The following THEM6 variants were observed in gnomAD, a reference collection of about 807,000 sequenced individuals.
THEM6 encodes the protein protein THEM6.
In THEM6, 10 loss-of-function variants were observed where a neutral mutation model predicts 13.7. That is an observed-to-expected ratio of 0.73 (90% CI 0.45 to 1.24). The LOEUF is 1.24. Ranked by LOEUF, THEM6 falls within the 50% of genes most tolerant of loss-of-function variation. THEM6 has a pLI of 0.00. For synonymous variants in THEM6, 161 were observed against 156.0 expected (o/e 1.03, Z -0.24); for missense variants, 317 against 312.6 (o/e 1.01, Z -0.11).
In THEM6 at chr8:142,736,245, T is replaced by C. The variant is rs1815759733; in HGVS notation, c.*806T>C. The C allele has an allele frequency of 6.6e-6, 1 of 152,324 alleles. No homozygotes were observed. The highest frequency in any genetic ancestry group is 1.5e-5 in the Non-Finnish European group (1 of 68,166). The allele number at this position is 152,324 out of a possible 1,614,324, so 9.4% of individuals were successfully genotyped here. A position where few individuals can be genotyped will look rare whatever the true frequency, so the allele number is the denominator to read the frequency against. On this transcript the variant is annotated 3_prime_UTR_variant, in exon 2 of 2. Transcript: ENST00000336138. ...ACTCTGCAGGGGTGTCCTTGTCCAC[T>C]CGCACCCCTCGCCGCCCACCAGGGC...
chr8:142,733,588 T>C lies in THEM6; in HGVS notation c.514-1738T>C, dbSNP rs1815698890. Among the ~76,000 whole-genome samples the C allele has an allele frequency of 2.0e-5, 3 of 151,936 alleles. No individual in the cohort carries two copies. In the South Asian group the frequency reaches 6.3e-4, roughly 32 times the overall value. On this transcript the variant is annotated intron_variant, in intron 1 of 1. Coordinates refer to ENST00000336138, the MANE Select transcript of THEM6 (RefSeq NM_016647.3). ...GCTCTGGTTCCAGCGCCTCTGACACTGAGAGGTCATGTCAGGAATGGGGAA... is the reference window on the plus strand; with the variant it reads ...GCTCTGGTTCCAGCGCCTCTGACACCGAGAGGTCATGTCAGGAATGGGGAA...
Position 142,735,853 on chromosome 8 carries a change from C to G in THEM6, c.*414C>G, listed in dbSNP as rs1815750180. On this transcript the variant is annotated 3_prime_UTR_variant, in exon 2 of 2. Transcript: ENST00000336138. ...AGACCAGAGCATCCTGGGTACAGGC[C>G]TGGGCTCTCCAGGGCCTGGGCCTGA... is the stretch of plus-strand genomic sequence containing the variant. 1 of 193,148 alleles carries G rather than the reference C, an allele frequency of 5.2e-6. No homozygotes were observed. The highest frequency in any genetic ancestry group is 2.3e-5 in the African/African-American group (1 of 43,198). 12.0% of individuals were successfully genotyped at this position (193,148 alleles called of 1,614,324 possible).
At position 142,727,636 on chromosome 8, in the gene THEM6, A is replaced by C. The variant is rs1017133533; in HGVS notation, c.290A>C (p.His97Pro). 55 of 1,488,564 alleles carry C rather than the reference A, an allele frequency of 3.7e-5. No individual in the cohort carries two copies. The highest frequency in any genetic ancestry group is 4.6e-5 in the Non-Finnish European group (52 of 1,127,786). The allele number at this position is 1,488,564 out of a possible 1,614,324, so 92.2% of individuals were successfully genotyped here. A position where few individuals can be genotyped will look rare whatever the true frequency, so the allele number is the denominator to read the frequency against. The change falls in exon 1 of 2, where the codon CAC becomes CCC. Residue 97 changes from histidine to proline, a missense_variant. His to Pro is a moderately conservative substitution (Grantham distance 77). Coordinates refer to ENST00000336138, the MANE Select transcript of THEM6 (RefSeq NM_016647.3). The stretch of plus-strand genomic sequence containing the variant: ...GGGGCGCTGAGGGAGTTGCGGGCGC[A>C]CACGGTGCTGGCGGCCTCGTGCGCG... ...VLGALRELRA[H>P]TVLAASCARH...
intron 1 of THEM6, among the ~76,000 whole-genome samples, chr8:142,733,702 T>G (rs918155505): frequency 9.9e-5 from 15 of 152,188 alleles, no homozygotes; most frequent in African/African-American, 3.6e-4. Flanking sequence ...CCAAAAAGTA[T>G]CGGAGATATG....
At chr8:142,732,215 A>G (rs1244733469) in intron 1 of THEM6, among the ~76,000 whole-genome samples, 1 of 78,994 alleles carries the variant, frequency 1.3e-5, no homozygotes, top group Non-Finnish European at 2.8e-5. Flanking sequence ...TATTTTAACT[A>G]CTGGAGGTTT....
chr8:142,728,774 G>T (rs929962842), intron 1 of THEM6, among the ~76,000 whole-genome samples: 1 of 152,172 alleles, frequency 6.6e-6, no homozygotes, highest in Admixed American at 6.5e-5. Context: ...TGAAAGAATA[G>T]CTGGTCCGTA....
In THEM6 at chr8:142,732,185, T is replaced by C. The variant is rs1217099594; in HGVS notation, c.514-3141T>C. Among the ~76,000 whole-genome samples, 105 of 98,204 alleles carry C rather than the reference T, an allele frequency of 1.1e-3. 10 individuals are homozygous for C. Among genetic ancestry groups the C allele is most frequent in the African/African-American group, 3.7e-3 (94 of 25,214 alleles). 64.4% of individuals were successfully genotyped at this position (98,204 alleles called of 152,430 possible). A position where few individuals can be genotyped will look rare whatever the true frequency, so the allele number is the denominator to read the frequency against. On this transcript the variant is annotated intron_variant, in intron 1 of 1. Coordinates refer to ENST00000336138, the MANE Select transcript of THEM6 (RefSeq NM_016647.3). ...GAATATATATATATATATATATATA[T>C]ATATATATATATATATATATATTTT... is the stretch of plus-strand genomic sequence containing the variant.
At position 142,736,249 on chromosome 8, in the gene THEM6, A is replaced by G. The variant is rs1815759846; in HGVS notation, c.*810A>G. 1 of 152,186 alleles carries G rather than the reference A, an allele frequency of 6.6e-6. No homozygotes were observed. The highest frequency in any genetic ancestry group is 1.5e-5 in the Non-Finnish European group (1 of 68,104). The allele number at this position is 152,186 out of a possible 1,614,324, so 9.4% of individuals were successfully genotyped here. Reference sequence around the variant, plus strand: ...TGCAGGGGTGTCCTTGTCCACTCGCACCCCTCGCCGCCCACCAGGGCCATG... The same window carrying G: ...TGCAGGGGTGTCCTTGTCCACTCGCGCCCCTCGCCGCCCACCAGGGCCATG... On this transcript the variant is annotated 3_prime_UTR_variant, in exon 2 of 2. Coordinates refer to ENST00000336138, the MANE Select transcript of THEM6 (RefSeq NM_016647.3).
Position 142,735,687 on chromosome 8 carries a change from AG to A in THEM6, c.*250del. 1 of 522,852 alleles carries A rather than the reference AG, an allele frequency of 1.9e-6. No homozygotes were observed. The highest frequency in any genetic ancestry group is 3.5e-6 in the Non-Finnish European group (1 of 286,420). The allele number at this position is 522,852 out of a possible 1,614,324, so 32.4% of individuals were successfully genotyped here. A position where few individuals can be genotyped will look rare whatever the true frequency, so the allele number is the denominator to read the frequency against. On this transcript the variant is annotated 3_prime_UTR_variant, in exon 2 of 2. Transcript: ENST00000336138. The stretch of plus-strand genomic sequence containing the variant: ...CCTCAAGGTGGGGATGGATGGGCAA[AG>A]GAGAGTCCTGCCTGGCCCTACGATG...
At chr8:142,730,146 TTTAAC>T (rs1815614086) in intron 1 of THEM6, among the ~76,000 whole-genome samples, 2 of 152,344 alleles carry the variant, frequency 1.3e-5, no homozygotes, top group Admixed American at 1.3e-4. Flanking sequence ...TTTCTTTAAC[TTTAAC>T]TTAGTAGGAT....
chr8:142,734,620 G>C (rs894016344), intron 1 of THEM6: 1 of 152,622 alleles, frequency 6.6e-6, no homozygotes, highest in Admixed American at 6.5e-5. Flanking sequence ...AGGTGGGGAG[G>C]GGAGTGGTCC....
At chr8:142,729,431 C>T (rs587718210) in intron 1 of THEM6, among the ~76,000 whole-genome samples, 56 of 152,066 alleles carry the variant, frequency 3.7e-4, no homozygotes, top group African/African-American at 1.1e-3. Flanking sequence ...AAAGTGCGAA[C>T]GGAATATTTA....
intron 1 of THEM6, among the ~76,000 whole-genome samples, chr8:142,731,901 C>A (rs781902625): frequency 1.3e-5 from 2 of 152,066 alleles, no homozygotes; most frequent in Non-Finnish European, 2.9e-5. Flanking sequence ...TTGGCAGATG[C>A]CTGCCACAAA....
In THEM6 at chr8:142,727,379, G is replaced by C; in HGVS notation, c.33G>C (p.Leu11=). The change falls in exon 1 of 2, where the codon CTG becomes CTC. Residue 11 remains leucine, a synonymous_variant. Transcript: ENST00000336138. The stretch of plus-strand genomic sequence containing the variant: ...GGCTGCTGGTGGCGTTGCTGGCCCT[G>C]GGGCTCGCTGTCTTTGCGCTGCTGG... MLGLLVALLA[L]GLAVFALLDV... The C allele has an allele frequency of 3.9e-6, 6 of 1,524,226 alleles. No homozygotes were observed. Among genetic ancestry groups the C allele is most frequent in the Non-Finnish European group, 5.3e-6 (6 of 1,142,272 alleles). 94.4% of individuals were successfully genotyped at this position (1,524,226 alleles called of 1,614,324 possible).
intron 1 of THEM6, among the ~76,000 whole-genome samples, chr8:142,733,662 T>G (rs1815700153): frequency 6.6e-6 from 1 of 152,192 alleles, no homozygotes; most frequent in African/African-American, 2.4e-5. Flanking sequence ...CACGGCTCCC[T>G]GGTCTTCTGT....
At chr8:142,733,070 C>T (rs189837961) in intron 1 of THEM6, among the ~76,000 whole-genome samples, 5 of 152,324 alleles carry the variant, frequency 3.3e-5, no homozygotes, top group Admixed American at 2.6e-4. Context: ...ACCCTATTGC[C>T]GTCTCTGGTT....
At chr8:142,734,282 T>C (rs988301474) in intron 1 of THEM6, among the ~76,000 whole-genome samples, 3 of 152,252 alleles carry the variant, frequency 2.0e-5, no homozygotes, top group Non-Finnish European at 4.4e-5. Context: ...CTGGACTCTA[T>C]GTCTTTCATG....
In THEM6 at chr8:142,727,265, C is replaced by G. The variant is rs1815505711; in HGVS notation, c.-82C>G. The G allele has an allele frequency of 7.5e-7, 1 of 1,338,276 alleles. No individual in the cohort carries two copies. The highest frequency in any genetic ancestry group is 3.1e-5 in the East Asian group (1 of 32,756). The allele number at this position is 1,338,276 out of a possible 1,614,324, so 82.9% of individuals were successfully genotyped here. On this transcript the variant is annotated 5_prime_UTR_variant, in exon 1 of 2. Transcript: ENST00000336138. ...CTGCGCTCGTGAGTTCCCAGGAGGC[C>G]TGGCGGGCACCGTAACCAGCGCCGC... is the stretch of plus-strand genomic sequence containing the variant.
At chr8:142,728,979 G>A (rs7009266) in intron 1 of THEM6, among the ~76,000 whole-genome samples, 1,783 of 123,814 alleles carry the variant, frequency 0.014, 41 homozygotes, top group African/African-American at 0.052. Context: ...TCACTCTGTC[G>A]CCCAGGCTGG....
Sources: gnomAD v4.1 joint callset for allele counts (sites outside exome capture counted in the v4.1 genomes callset) on GRCh38, gnomAD v4.1.1 for gene constraint, MANE v1.5 for transcripts, NCBI Gene and HGNC (gene_info 2026-07-23, HGNC 2026-07-21) for gene names.